The following TBX15 variants were observed in gnomAD, a reference collection of about 807,000 sequenced individuals.
The protein encoded by TBX15 is T-box transcription factor TBX15.
TBX15 carries 18 observed loss-of-function variants against 53.9 expected under a neutral mutation model. The ratio of observed to expected loss-of-function variants is 0.33; its 90% CI spans 0.23 to 0.49. The LOEUF is 0.49. Ranked by LOEUF, TBX15 falls within the 20% of genes least tolerant of loss-of-function variation. The probability of loss-of-function intolerance (pLI) is 0.98; values close to 1 mark genes in which losing one functional copy is unlikely to be tolerated. For missense variants in TBX15, 692 were observed against 749.5 expected, an observed-to-expected ratio of 0.92 and a Z score of 0.90; for synonymous variants, 295 against 278.0, an observed-to-expected ratio of 1.06 and a Z score of -0.61.
chr1:118,987,984 G>T lies in TBX15; in HGVS notation c.-189C>A, dbSNP rs1657901538. 2.8e-6 allele frequency: 2 copies of T among 719,684 alleles called. No homozygotes were observed. Among genetic ancestry groups the T allele is most frequent in the Non-Finnish European group, 4.5e-6 (2 of 447,898 alleles). 44.6% of individuals were successfully genotyped at this position (719,684 alleles called of 1,614,324 possible). On this transcript the variant is annotated 5_prime_UTR_variant, in exon 1 of 8. Coordinates refer to ENST00000369429, the MANE Select transcript of TBX15 (RefSeq NM_001330677.2). Reference sequence around the variant, plus strand: ...TCCTCCGCCCTCCTCTGCCGGATCCGACCTGCGCCCCTACGCTGGCCCAGC... The same window carrying T: ...TCCTCCGCCCTCCTCTGCCGGATCCTACCTGCGCCCCTACGCTGGCCCAGC...
chr1:118,949,678 C>T (rs1047863056), intron 1 of TBX15, among the ~76,000 whole-genome samples: 1 of 152,230 alleles, frequency 6.6e-6, no homozygotes, highest in Non-Finnish European at 1.5e-5. Context: ...GGCCGTGAGG[C>T]CTCTTAGCTG....
intron 2 of TBX15, 79 bp downstream of exon 2, chr1:118,931,540 A>G (rs1655779350): frequency 6.7e-7 from 1 of 1,487,880 alleles, no homozygotes. Flanking sequence ...CATCACAAAT[A>G]AATAAGAATG....
intron 1 of TBX15, among the ~76,000 whole-genome samples, chr1:118,982,835 C>T (rs1657692558): frequency 6.6e-6 from 1 of 152,126 alleles, no homozygotes; most frequent in South Asian, 2.1e-4. Context: ...AGGTTGCCCC[C>T]ATGAAATCTT....
At chr1:118,912,747 T>G (rs1488570392) in intron 6 of TBX15, among the ~76,000 whole-genome samples, 1 of 152,224 alleles carries the variant, frequency 6.6e-6, no homozygotes, top group East Asian at 1.9e-4. Flanking sequence ...CATTCCTCAC[T>G]GGCTAAATTT....
intron 1 of TBX15, among the ~76,000 whole-genome samples, chr1:118,985,252 G>A (rs1657792059): frequency 6.6e-6 from 1 of 152,108 alleles, no homozygotes; most frequent in Admixed American, 6.5e-5. Context: ...AGGCTCACCC[G>A]GGAAGAGACG....
chr1:118,981,628 C>A (rs940056572), intron 1 of TBX15, among the ~76,000 whole-genome samples: 7 of 152,190 alleles, frequency 4.6e-5, no homozygotes, highest in African/African-American at 1.4e-4. Flanking sequence ...AAAAGTGAAG[C>A]CATTAGTGGC....
At chr1:118,893,475 A>T (rs916052949) in intron 7 of TBX15, among the ~76,000 whole-genome samples, 4 of 128,162 alleles carry the variant, frequency 3.1e-5, no homozygotes, top group Non-Finnish European at 1.6e-5. Flanking sequence ...GAAAGGAAGG[A>T]AGGAAGGAAG....
intron 7 of TBX15, among the ~76,000 whole-genome samples, chr1:118,893,522 G>T (rs1654273633): frequency 7.9e-6 from 1 of 126,580 alleles, no homozygotes; most frequent in East Asian, 2.3e-4. Context: ...AAGAAAGAAA[G>T]AAAGAAGGAA....
At position 118,884,621 on chromosome 1, in the gene TBX15, A is replaced by AC; in HGVS notation, c.*110_*111insG. 4.4e-6 allele frequency: 6 copies of AC among 1,370,548 alleles called. No individual in the cohort carries two copies. The highest frequency in any genetic ancestry group is 5.2e-4 in the Middle Eastern group (2 of 3,828). The allele number at this position is 1,370,548 out of a possible 1,614,324, so 84.9% of individuals were successfully genotyped here. ...CTTCGGCCAGAAAAAAAAAAAAAAA[A>AC]AAAACACGGTTCCTGTTTTTCAAAG... is the stretch of plus-strand genomic sequence containing the variant. On this transcript the variant is annotated 3_prime_UTR_variant, in exon 8 of 8. Coordinates refer to ENST00000369429, the MANE Select transcript of TBX15 (RefSeq NM_001330677.2).
Position 118,907,352 on chromosome 1 carries a change from C to T in TBX15, c.926+6763G>A, listed in dbSNP as rs200941142. On this transcript the variant is annotated intron_variant, in intron 6 of 7. Transcript: ENST00000369429. The stretch of plus-strand genomic sequence containing the variant: ...TAAGACAAGTTCATAGAACCCTTCA[C>T]TACTCAGACAGACCACAACCTTAAT... Among the ~76,000 whole-genome samples the T allele has an allele frequency of 1.8e-4, 28 of 152,368 alleles. No homozygotes were observed. In the East Asian group the frequency reaches 5.0e-3, roughly 27 times the overall value.
At position 118,899,052 on chromosome 1, in the gene TBX15, A is replaced by G. The variant is rs1305231577; in HGVS notation, c.1000T>C (p.Phe334Leu). 1 of 1,613,634 alleles carries G rather than the reference A, an allele frequency of 6.2e-7. No individual in the cohort carries two copies. The highest frequency in any genetic ancestry group is 8.5e-7 in the Non-Finnish European group (1 of 1,179,714). ...PPVRTLTFED[F>L]TTMQKQQGGS... is the part of the protein sequence containing the mutation. ...CCTTGCTGCTTCTGCATGGTGGTGA[A>G]GTCTTCGAAGGTGAGTGTGCGCACA... is the stretch of plus-strand genomic sequence containing the variant. The change falls in exon 7 of 8, where the codon TTC becomes CTC. Residue 334 changes from phenylalanine to leucine, a missense_variant. By Grantham distance (22) the Phe-to-Leu change is conservative. Around this residue, in one of 3 missense-constraint regions of TBX15, gnomAD observed 375 missense variants for 371.6 expected, o/e 1.01. Coordinates refer to ENST00000369429, the MANE Select transcript of TBX15 (RefSeq NM_001330677.2).
intron 6 of TBX15, chr1:118,901,455 TG>T: frequency 2.2e-6 from 1 of 455,530 alleles, no homozygotes; most frequent in South Asian, 1.6e-5. Context: ...ACATAAACTT[TG>T]GGGGACATAT....
At chr1:118,910,956 G>C (rs2810935) in intron 6 of TBX15, among the ~76,000 whole-genome samples, 26,184 of 152,168 alleles carry the variant, frequency 0.17, 2,491 homozygotes, top group Middle Eastern at 0.32. Flanking sequence ...GATTTACTTG[G>C]AAAAGCAAAG....
intron 1 of TBX15, among the ~76,000 whole-genome samples, chr1:118,955,440 G>C (rs1184369258): frequency 3.9e-5 from 6 of 152,094 alleles, no homozygotes; most frequent in Admixed American, 3.9e-4. Context: ...TGTTGTTTCA[G>C]AAAACCAATC....
At chr1:118,908,555 C>T (rs1235011174) in intron 6 of TBX15, among the ~76,000 whole-genome samples, 6 of 151,570 alleles carry the variant, frequency 4.0e-5, no homozygotes, top group Non-Finnish European at 4.4e-5. Context: ...ACACCCAAAA[C>T]CAGATTTGGG....
At chr1:118,969,632 TG>T (rs1657167292) in intron 1 of TBX15, among the ~76,000 whole-genome samples, 2 of 152,208 alleles carry the variant, frequency 1.3e-5, no homozygotes, top group South Asian at 2.1e-4. Flanking sequence ...CATGTTGGAG[TG>T]GCGTTCTCCC....
At chr1:118,959,372 G>T (rs1037089031) in intron 1 of TBX15, among the ~76,000 whole-genome samples, 2 of 152,196 alleles carry the variant, frequency 1.3e-5, no homozygotes, top group South Asian at 4.1e-4. Flanking sequence ...GTTCTGCCAG[G>T]TGTTCAAGGC....
chr1:118,980,682 T>G (rs1657617576), intron 1 of TBX15, among the ~76,000 whole-genome samples: 2 of 152,230 alleles, frequency 1.3e-5, no homozygotes, highest in Admixed American at 1.3e-4. Flanking sequence ...ATGAAACCAC[T>G]TTTTAGAATA....
intron 1 of TBX15, among the ~76,000 whole-genome samples, chr1:118,977,606 A>ACT (rs1429116194): frequency 6.6e-6 from 1 of 152,150 alleles, no homozygotes; most frequent in Non-Finnish European, 1.5e-5. Context: ...GGGAGCCATC[A>ACT]CTGGAGTTTG....
Sources: gnomAD v4.1 joint callset for allele counts (sites outside exome capture counted in the v4.1 genomes callset) on GRCh38, gnomAD v4.1.1 for gene constraint, gnomAD v4.1.1 regional missense constraint, MANE v1.5 for transcripts, NCBI Gene and HGNC (gene_info 2026-07-23, HGNC 2026-07-21) for gene names.